CNTN5: variants seen among roughly 807,000 people sequenced by gnomAD.
The protein encoded by CNTN5 is contactin 5, also known as contactin-5.
CNTN5 carries 77 observed loss-of-function variants against 129.1 expected under a neutral mutation model. The observed-to-expected ratio is 0.60, with a 90% CI of 0.50 to 0.72. The LOEUF is 0.72. Among genes scored for constraint, CNTN5 ranks in the 30% least tolerant of loss-of-function variants. CNTN5 has a pLI of 0.00. For missense variants in CNTN5, 1,478 were observed against 1,328.8 expected, an observed-to-expected ratio of 1.11 and a Z score of -1.75; for synonymous variants, 509 against 465.6, an observed-to-expected ratio of 1.09 and a Z score of -1.20.
intron 1 of CNTN5, among the ~76,000 whole-genome samples, chr11:99,196,941 A>G (rs1034247044): frequency 6.6e-6 from 1 of 151,964 alleles, no homozygotes; most frequent in Non-Finnish European, 1.5e-5. Context: ...TAAGAAGCAT[A>G]GAAAAGTCAC....
At chr11:99,966,107 T>G (rs573844713) in intron 8 of CNTN5, among the ~76,000 whole-genome samples, 1 of 152,278 alleles carries the variant, frequency 6.6e-6, no homozygotes, top group East Asian at 1.9e-4. Context: ...TTTAATCTGC[T>G]GTGACCATAG....
At chr11:100,168,777 A>T (rs1412118124) in intron 13 of CNTN5, among the ~76,000 whole-genome samples, 2 of 152,016 alleles carry the variant, frequency 1.3e-5, no homozygotes, top group African/African-American at 4.8e-5. Context: ...AAGCTAACAT[A>T]GATAGTAATT....
At chr11:99,896,385 C>T (rs1369997284) in intron 6 of CNTN5, among the ~76,000 whole-genome samples, 1 of 152,180 alleles carries the variant, frequency 6.6e-6, no homozygotes, top group Non-Finnish European at 1.5e-5. Flanking sequence ...GCTGTCTCTG[C>T]ACATGCTGCT....
intron 16 of CNTN5, among the ~76,000 whole-genome samples, chr11:100,227,147 C>G (rs754870979): frequency 6.6e-6 from 1 of 152,054 alleles, no homozygotes; most frequent in Non-Finnish European, 1.5e-5. Flanking sequence ...TCACAAGGAA[C>G]GTACTTGGAT....
In CNTN5 at chr11:99,590,416, T is replaced by A. The variant is rs188015127; in HGVS notation, c.55+34147T>A. On this transcript the variant is annotated intron_variant, in intron 3 of 24. Transcript: ENST00000524871. ...ACTTTGTGCAATCACTAAGCCACTC[T>A]GAAATTCCTCCACTCCTCAAATGGC... Among the ~76,000 whole-genome samples, 276 of 152,310 alleles carry A rather than the reference T, an allele frequency of 1.8e-3. 3 individuals are homozygous for A. The highest frequency in any genetic ancestry group is 3.4e-4 in the Non-Finnish European group (23 of 68,032).
At chr11:99,424,478 C>A (rs1456049104) in intron 2 of CNTN5, among the ~76,000 whole-genome samples, 1 of 152,328 alleles carries the variant, frequency 6.6e-6, no homozygotes, top group East Asian at 1.9e-4. Context: ...TGTAAATGAT[C>A]ACTGGGTCTG....
chr11:99,837,700 AAAAAC>A (rs1377185057), intron 4 of CNTN5, among the ~76,000 whole-genome samples: 1 of 151,774 alleles, frequency 6.6e-6, no homozygotes, highest in Non-Finnish European at 1.5e-5. Context: ...AAAAAAAAAA[AAAAAC>A]CTATCAAATA....
chr11:100,016,598 C>T (rs1017414692), intron 9 of CNTN5, among the ~76,000 whole-genome samples: 1 of 151,862 alleles, frequency 6.6e-6, no homozygotes, highest in Admixed American at 6.6e-5. Flanking sequence ...GTGCTTTTTA[C>T]ATCCATTGTC....
At chr11:99,404,610 A>G (rs1006058591) in intron 2 of CNTN5, among the ~76,000 whole-genome samples, 5 of 152,140 alleles carry the variant, frequency 3.3e-5, no homozygotes, top group Non-Finnish European at 7.4e-5. Flanking sequence ...CACTATTTGC[A>G]TAAAGGAACA....
intron 1 of CNTN5, among the ~76,000 whole-genome samples, chr11:99,200,269 T>C (rs1354285101): frequency 6.6e-6 from 1 of 152,234 alleles, no homozygotes; most frequent in African/African-American, 2.4e-5. Flanking sequence ...CTATGAATAA[T>C]AATACTGTTA....
chr11:99,582,091 A>C (rs372927528), intron 3 of CNTN5, among the ~76,000 whole-genome samples: 26 of 151,900 alleles, frequency 1.7e-4, no homozygotes, highest in Admixed American at 1.6e-3. Context: ...ATGAAGCTTA[A>C]TTTGGCTGGA....
intron 3 of CNTN5, among the ~76,000 whole-genome samples, chr11:99,797,765 G>C (rs528227223): frequency 1.3e-5 from 2 of 151,918 alleles, no homozygotes; most frequent in Non-Finnish European, 2.9e-5. Context: ...GTGAAGAATC[G>C]CTTTAGTTTA....
At chr11:99,268,435 G>T (rs1234445779) in intron 1 of CNTN5, among the ~76,000 whole-genome samples, 7 of 151,302 alleles carry the variant, frequency 4.6e-5, no homozygotes, top group Non-Finnish European at 8.8e-5. Flanking sequence ...TATAATATTA[G>T]ATCATATATA....
At chr11:99,966,534 C>T (rs1470795445) in intron 8 of CNTN5, among the ~76,000 whole-genome samples, 1 of 152,204 alleles carries the variant, frequency 6.6e-6, no homozygotes. Context: ...CTCCCATTCC[C>T]AGAGTGTAAT....
chr11:99,588,170 C>T (rs529518494), intron 3 of CNTN5, among the ~76,000 whole-genome samples: 1 of 152,100 alleles, frequency 6.6e-6, no homozygotes, highest in Non-Finnish European at 1.5e-5. Flanking sequence ...GGTGAAACCC[C>T]GTCTCTACTA....
At chr11:100,072,606 A>C (rs7934308) in intron 12 of CNTN5, among the ~76,000 whole-genome samples, 14,275 of 152,262 alleles carry the variant, frequency 0.094, 864 homozygotes, top group East Asian at 0.19. Flanking sequence ...TGTGTTTTCT[A>C]TTCCCCATTT....
intron 2 of CNTN5, among the ~76,000 whole-genome samples, chr11:99,516,569 T>C (rs1397032608): frequency 1.3e-5 from 2 of 151,912 alleles, no homozygotes; most frequent in Non-Finnish European, 2.9e-5. Context: ...GGGCACACAA[T>C]CCAAACTGAG....
At chr11:99,652,070 A>G (rs1352962057) in intron 3 of CNTN5, among the ~76,000 whole-genome samples, 1 of 152,068 alleles carries the variant, frequency 6.6e-6, no homozygotes, top group Non-Finnish European at 1.5e-5. Context: ...TCTGTTGAGC[A>G]TCTCACAAGA....
intron 1 of CNTN5, among the ~76,000 whole-genome samples, chr11:99,196,204 A>G (rs1196309579): frequency 6.6e-6 from 1 of 151,894 alleles, no homozygotes; most frequent in African/African-American, 2.4e-5. Context: ...TTAAACAACA[A>G]TCTGTTAACT....
Sources: allele counts gnomAD v4.1 joint callset (sites outside exome capture counted in the v4.1 genomes callset), GRCh38; gene constraint gnomAD v4.1.1; transcripts MANE v1.5; gene names NCBI Gene and HGNC (gene_info 2026-07-23, HGNC 2026-07-21).